The following CCDC73 variants were observed in gnomAD, a reference collection of about 807,000 sequenced individuals.
The protein encoded by CCDC73 is coiled-coil domain-containing protein 73.
A neutral mutation model predicts 116.5 loss-of-function variants in CCDC73; 95 were observed. The observed-to-expected ratio is 0.82, with a 90% CI of 0.69 to 0.97. The LOEUF (loss-of-function observed/expected upper bound fraction) is 0.97. CCDC73 is among the 50% of genes least tolerant of loss of function. CCDC73 has a pLI of 0.00. For missense variants in CCDC73, 1,066 were observed against 1,206.8 expected (o/e 0.88, Z 1.73); for synonymous variants, 398 against 401.3 (o/e 0.99, Z 0.10).
At chr11:32,695,695 A>G (rs914799320) in intron 6 of CCDC73, among the ~76,000 whole-genome samples, 4 of 151,006 alleles carry the variant, frequency 2.6e-5, no homozygotes, top group Non-Finnish European at 5.9e-5. Context: ...ATTATTAACT[A>G]TAAGTGTGTG....
rs1461603829 is a variant in CCDC73, at chr11:32,699,290, T to C, written c.351A>G (p.Lys117=). 4 of 1,579,912 alleles carry C rather than the reference T, an allele frequency of 2.5e-6. No individual in the cohort carries two copies. Among genetic ancestry groups the C allele is most frequent in the Admixed American group, 1.7e-5 (1 of 58,056 alleles). ...ATGTTTCCTTCAATCCTTCTATTTC[T>C]TTTTCCTTTATTTCTGTAGCAAGTT... ...KYQLATEIKE[K]EIEGLKETLK... is the part of the protein sequence containing the mutation. The change falls in exon 6 of 18, where the codon AAA becomes AAG. Residue 117 remains lysine, a synonymous_variant. Coordinates refer to ENST00000335185, the MANE Select transcript of CCDC73 (RefSeq NM_001008391.4).
At chr11:32,680,370 G>A (rs926614175) in intron 7 of CCDC73, 1 of 151,952 alleles carries the variant, frequency 6.6e-6, no homozygotes, top group Non-Finnish European at 1.5e-5. Flanking sequence ...TGCATGAATC[G>A]ACTCAAATTA....
intron 9 of CCDC73, among the ~76,000 whole-genome samples, chr11:32,666,511 A>G (rs1308243957): frequency 6.6e-6 from 1 of 152,172 alleles, no homozygotes; most frequent in East Asian, 1.9e-4. Flanking sequence ...CAGCTCCATC[A>G]GGTCATTTAA....
Position 32,697,864 on chromosome 11 carries a change from C to T in CCDC73, c.390+1387G>A, listed in dbSNP as rs115778955. Among the ~76,000 whole-genome samples, 1,092 of 151,758 alleles carry T rather than the reference C, an allele frequency of 7.2e-3. 17 individuals are homozygous for T. Among genetic ancestry groups the T allele is most frequent in the African/African-American group, 0.025 (1,048 of 41,352 alleles). On this transcript the variant is annotated intron_variant, in intron 6 of 17. Coordinates refer to ENST00000335185, the MANE Select transcript of CCDC73 (RefSeq NM_001008391.4). ...GCAGGTCTGTTATATAGGTAAATTG[C>T]GTGTCACGGGGGTTGGTTGTACAGA...
chr11:32,769,275 T>C (rs1850471611), intron 1 of CCDC73, among the ~76,000 whole-genome samples: 1 of 152,220 alleles, frequency 6.6e-6, no homozygotes, highest in Non-Finnish European at 1.5e-5. Flanking sequence ...GATTGCTAAT[T>C]TGTACTGGGC....
At chr11:32,734,425 C>CTTTT (rs34093038) in intron 2 of CCDC73, among the ~76,000 whole-genome samples, 3 of 131,360 alleles carry the variant, frequency 2.3e-5, no homozygotes, top group Admixed American at 7.8e-5. Context: ...ATTTTTTTTT[C>CTTTT]TTTTTTTTTT....
chr11:32,677,954 T>A, intron 7 of CCDC73, among the ~76,000 whole-genome samples: 2 of 25,254 alleles, frequency 7.9e-5, no homozygotes, highest in African/African-American at 3.7e-4. Context: ...AGATTCCATC[T>A]CAAAAAAAAA....
intron 1 of CCDC73, among the ~76,000 whole-genome samples, chr11:32,764,959 C>T (rs910918485): frequency 1.3e-5 from 2 of 152,040 alleles, no homozygotes; most frequent in African/African-American, 4.8e-5. Context: ...GCAGGGGTTG[C>T]AATCCTAGTC....
At chr11:32,766,411 C>T (rs1284688535) in intron 1 of CCDC73, among the ~76,000 whole-genome samples, 2 of 152,128 alleles carry the variant, frequency 1.3e-5, no homozygotes, top group Admixed American at 6.6e-5. Context: ...ACAAGGATGC[C>T]CTCTCTCACC....
chr11:32,700,705 T>C, intron 5 of CCDC73, 86 bp downstream of exon 5: 3 of 607,594 alleles, frequency 4.9e-6, no homozygotes, highest in Non-Finnish European at 8.5e-6. Context: ...CAATGGATAA[T>C]AAAAGGCATC....
chr11:32,675,747 G>GTT, intron 8 of CCDC73, 103 bp from the exon 9 acceptor site: 1 of 1,167,508 alleles, frequency 8.6e-7, no homozygotes, highest in Non-Finnish European at 1.2e-6. Context: ...CAATATATAT[G>GTT]TTATTTAATT....
At chr11:32,741,736 T>G (rs1028241765) in intron 2 of CCDC73, among the ~76,000 whole-genome samples, 2 of 152,084 alleles carry the variant, frequency 1.3e-5, no homozygotes, top group Non-Finnish European at 2.9e-5. Context: ...GGTATTCACA[T>G]GCCATGGTGG....
At chr11:32,765,064 C>A (rs1006333844) in intron 1 of CCDC73, among the ~76,000 whole-genome samples, 1 of 152,198 alleles carries the variant, frequency 6.6e-6, no homozygotes, top group African/African-American at 2.4e-5. Context: ...GAAGAGCTAA[C>A]TATCCTAAAT....
intron 17 of CCDC73, among the ~76,000 whole-genome samples, chr11:32,606,806 C>CTTTT (rs10591021): frequency 1.2e-4 from 12 of 101,052 alleles, no homozygotes; most frequent in East Asian, 5.0e-4. Context: ...AAAATAAATT[C>CTTTT]TTTTTTTTTT....
At chr11:32,769,945 AT>A (rs1374516354) in intron 1 of CCDC73, among the ~76,000 whole-genome samples, 2 of 152,132 alleles carry the variant, frequency 1.3e-5, no homozygotes, top group Non-Finnish European at 2.9e-5. Context: ...TATATTTTAG[AT>A]TTGTATTATG....
At chr11:32,810,761 C>G in the CCDC73 span, among the ~76,000 whole-genome samples, 2 of 152,128 alleles carry the variant, frequency 1.3e-5, no homozygotes, top group Non-Finnish European at 2.9e-5. Context: ...TTAACTCCCC[C>G]CTTCTCCATT....
At chr11:32,821,315 G>A in the CCDC73 span, among the ~76,000 whole-genome samples, 2 of 152,016 alleles carry the variant, frequency 1.3e-5, no homozygotes, top group East Asian at 1.9e-4. Context: ...GAAAATATTC[G>A]CAATATTAAA....
At chr11:32,603,662 ATC>A (rs1855306913) in intron 17 of CCDC73, 1 of 152,170 alleles carries the variant, frequency 6.6e-6, no homozygotes, top group African/African-American at 2.4e-5. Context: ...TGTTTGATAT[ATC>A]TCCTACTACT....
the CCDC73 span, among the ~76,000 whole-genome samples, chr11:32,826,194 T>C: frequency 6.6e-6 from 1 of 152,222 alleles, no homozygotes; most frequent in Non-Finnish European, 1.5e-5. Flanking sequence ...CATGTAGATA[T>C]ATAATCAACC....
Sources: gnomAD v4.1 joint callset for allele counts (sites outside exome capture counted in the v4.1 genomes callset) on GRCh38, gnomAD v4.1.1 for gene constraint, MANE v1.5 for transcripts, NCBI Gene and HGNC (gene_info 2026-07-23, HGNC 2026-07-21) for gene names.